The following PRDM15 variants were observed in gnomAD, a reference collection of about 807,000 sequenced individuals.
The protein encoded by PRDM15 is PR domain zinc finger protein 15.
Under a neutral mutation model 128.6 loss-of-function variants are expected in PRDM15, and 64 were observed. That is an observed-to-expected ratio of 0.50 (90% CI 0.41 to 0.61). The LOEUF (loss-of-function observed/expected upper bound fraction) is 0.61, where lower values mean the gene tolerates loss of function less well. Among genes scored for constraint, PRDM15 ranks in the 20% least tolerant of loss-of-function variants. PRDM15 has a pLI of 0.00. For synonymous variants in PRDM15, 615 were observed against 621.8 expected, an observed-to-expected ratio of 0.99 and a Z score of 0.16; for missense variants, 1,242 against 1,569.1, an observed-to-expected ratio of 0.79 and a Z score of 3.52.
chr21:41,852,413 G>GCCCA (rs1264199555), intron 5 of PRDM15, among the ~76,000 whole-genome samples: 1 of 152,222 alleles, frequency 6.6e-6, no homozygotes, highest in Non-Finnish European at 1.5e-5. Flanking sequence ...TGCTCAGAGA[G>GCCCA]CCCAGCCTCG....
At position 41,821,021 on chromosome 21, in the gene PRDM15, T is replaced by A; in HGVS notation, c.2060+46A>T. The A allele has an allele frequency of 1.2e-6, 2 of 1,610,838 alleles. No individual in the cohort carries two copies. Among genetic ancestry groups the A allele is most frequent in the Non-Finnish European group, 1.7e-6 (2 of 1,177,160 alleles). On this transcript the variant is annotated intron_variant, in intron 16 of 23. Transcript: ENST00000398548. This position sits in a 1 kb window ranked among gnomAD's most constrained non-coding sequence, Gnocchi z 5.4. Reference sequence around the variant, plus strand: ...ATGTGTCTCTTTGCAAGGAAGCATGTCCCCTCTCTCCTGACACAACCCGGG... The same window carrying A: ...ATGTGTCTCTTTGCAAGGAAGCATGACCCCTCTCTCCTGACACAACCCGGG...
rs771911135 is a variant in PRDM15, at chr21:41,821,496, C to T, written c.1897-266G>A. On this transcript the variant is annotated intron_variant, in intron 15 of 23. Transcript: ENST00000398548. The surrounding 1 kb of genome is among the most constrained non-coding windows in gnomAD (Gnocchi z 5.4). ...CCCCTTCCATGCACAGGGGAGGCCT[C>T]GTGAGGGCTTCAGGCCTCAGCAGGG... Among the ~76,000 whole-genome samples the T allele has an allele frequency of 2.0e-5, 3 of 151,858 alleles. No individual in the cohort carries two copies. The highest frequency in any genetic ancestry group is 4.4e-5 in the Non-Finnish European group (3 of 67,948).
chr21:41,800,979 C>T lies in PRDM15; in HGVS notation c.*261G>A, dbSNP rs1042151402. ...CTGTAAGGGGAGGCAGATGCGGCCC[C>T]GGCCCAGGACTTACTGCCTTGGTAA... On this transcript the variant is annotated 3_prime_UTR_variant, in exon 24 of 24. Transcript: ENST00000398548. The T allele has an allele frequency of 1.8e-4, 74 of 400,542 alleles. 1 individual carries two copies. Among genetic ancestry groups the T allele is most frequent in the African/African-American group, 1.2e-3 (57 of 48,706 alleles). 24.8% of individuals were successfully genotyped at this position (400,542 alleles called of 1,614,324 possible). A position where few individuals can be genotyped will look rare whatever the true frequency, so the allele number is the denominator to read the frequency against.
In PRDM15 at chr21:41,821,970, T is replaced by C. The variant is rs1426646619; in HGVS notation, c.1829A>G (p.Glu610Gly). 7 of 1,614,238 alleles carry C rather than the reference T, an allele frequency of 4.3e-6. No individual in the cohort carries two copies. The South Asian group carries it at 4.4e-5, about 10-fold the overall frequency. ...FIGKIGISSE[E>G]NDDNSDESAD... Reference sequence around the variant, plus strand: ...GCTCTCGTCAGAATTGTCATCGTTTTCTTCCGAGGAGATCCCGATCTTGCC... The same window carrying C: ...GCTCTCGTCAGAATTGTCATCGTTTCCTTCCGAGGAGATCCCGATCTTGCC... Residue 610 changes from glutamate (E) to glycine (G), a missense_variant, in exon 15 of 24, where the codon GAA (glutamate) becomes GGA (glycine). By Grantham distance (98) the Glu-to-Gly change is moderately conservative. This residue lies in a region of PRDM15 where 602 missense variants were observed against 788.3 expected (regional missense o/e 0.76). Coordinates refer to ENST00000398548, the MANE Select transcript of PRDM15 (RefSeq NM_001040424.3). The surrounding 1 kb of genome is among the most constrained non-coding windows in gnomAD (Gnocchi z 5.4).
rs2062844314 is a variant in PRDM15, at chr21:41,835,532, G to C, written c.1279-8C>G. On this transcript the variant is annotated splice_polypyrimidine_tract_variant and splice_region_variant and intron_variant, in intron 10 of 23. Coordinates refer to ENST00000398548, the MANE Select transcript of PRDM15 (RefSeq NM_001040424.3). The stretch of plus-strand genomic sequence containing the variant: ...CCTGTACTCGCCGTCCACCTGGTCA[G>C]AGGGACACGCCGTGAGTGAGATGGC... 1 of 1,605,842 alleles carries C rather than the reference G, an allele frequency of 6.2e-7. No individual in the cohort carries two copies. Among genetic ancestry groups the C allele is most frequent in the South Asian group, 1.1e-5 (1 of 91,054 alleles).
intron 11 of PRDM15, among the ~76,000 whole-genome samples, chr21:41,829,499 C>A (rs1270597636): frequency 1.3e-5 from 2 of 151,834 alleles, no homozygotes; most frequent in African/African-American, 4.8e-5. Flanking sequence ...ACCACATACA[C>A]ATTCAACACA....
At chr21:41,817,496 C>T (rs1182065013) in intron 18 of PRDM15, among the ~76,000 whole-genome samples, 1 of 152,142 alleles carries the variant, frequency 6.6e-6, no homozygotes, top group Non-Finnish European at 1.5e-5. Context: ...ATTCCCTGGT[C>T]AGGGCTAGAA....
At position 41,821,313 on chromosome 21, in the gene PRDM15, C is replaced by T. The variant is rs536602516; in HGVS notation, c.1897-83G>A. The T allele has an allele frequency of 1.3e-6, 2 of 1,527,580 alleles. No individual in the cohort carries two copies. Among genetic ancestry groups the T allele is most frequent in the South Asian group, 2.3e-5 (2 of 86,118 alleles). 94.6% of individuals were successfully genotyped at this position (1,527,580 alleles called of 1,614,324 possible). A position where few individuals can be genotyped will look rare whatever the true frequency, so the allele number is the denominator to read the frequency against. On this transcript the variant is annotated intron_variant, in intron 15 of 23. Transcript: ENST00000398548. The surrounding 1 kb of genome is among the most constrained non-coding windows in gnomAD (Gnocchi z 5.4). The stretch of plus-strand genomic sequence containing the variant: ...AGCTAATGAGGTCGTGTCCACAAAC[C>T]AGGGCACCCGACACGCCCTGAGAGC...
At chr21:41,824,383 C>T (rs2062393245) in intron 13 of PRDM15, among the ~76,000 whole-genome samples, 1 of 152,194 alleles carries the variant, frequency 6.6e-6, no homozygotes, top group Admixed American at 6.5e-5. Context: ...ATGGTCTTTA[C>T]AGGGAAGACT....
Position 41,879,219 on chromosome 21 carries a change from CGGCGGG to C in PRDM15, c.-10+45_-10+50del. On this transcript the variant is annotated intron_variant, in intron 1 of 23. Coordinates refer to ENST00000398548, the MANE Select transcript of PRDM15 (RefSeq NM_001040424.3). This position sits in a 1 kb window ranked among gnomAD's most constrained non-coding sequence, Gnocchi z 5.1. The stretch of plus-strand genomic sequence containing the variant: ...GGGGGCAGCGGGTGCGGCCCGGGGC[CGGCGGG>C]GCGCACGCCGGGGCGGGCGGCGGGC... The C allele has an allele frequency of 1.3e-6, 1 of 751,548 alleles. No homozygotes were observed. The highest frequency in any genetic ancestry group is 5.8e-5 in the South Asian group (1 of 17,194). The allele number at this position is 751,548 out of a possible 1,614,324, so 46.6% of individuals were successfully genotyped here. A position where few individuals can be genotyped will look rare whatever the true frequency, so the allele number is the denominator to read the frequency against.
chr21:41,868,657 G>A (rs1465775269), intron 1 of PRDM15, among the ~76,000 whole-genome samples: 2 of 150,522 alleles, frequency 1.3e-5, no homozygotes, highest in African/African-American at 4.9e-5. Flanking sequence ...TCAGTAAAAG[G>A]TCTCTGCATC....
chr21:41,834,981 C>T (rs918029900), intron 11 of PRDM15, among the ~76,000 whole-genome samples: 4 of 152,202 alleles, frequency 2.6e-5, no homozygotes, highest in East Asian at 1.9e-4. Context: ...GGGGCAACCC[C>T]GTTCCACCCT....
At chr21:41,873,162 G>A (rs1032813992) in intron 1 of PRDM15, among the ~76,000 whole-genome samples, 8 of 152,302 alleles carry the variant, frequency 5.3e-5, no homozygotes, top group South Asian at 4.1e-4. Context: ...ACATCAGCCT[G>A]GGGGCGCCTG....
chr21:41,871,396 C>T lies in PRDM15; in HGVS notation c.-10+7874G>A, dbSNP rs908311190. 9 of 942,040 alleles carry T rather than the reference C, an allele frequency of 9.6e-6. No individual in the cohort carries two copies. The African/African-American group carries it at 1.6e-4, about 16-fold the overall frequency. 58.4% of individuals were successfully genotyped at this position (942,040 alleles called of 1,614,324 possible). On this transcript the variant is annotated intron_variant, in intron 1 of 23. Coordinates refer to ENST00000398548, the MANE Select transcript of PRDM15 (RefSeq NM_001040424.3). ...CTGCCTCTGCCTGGGGTCACCCTCT[C>T]TGTCACTGTCCCTCTTAAGCAGCAG...
intron 6 of PRDM15, among the ~76,000 whole-genome samples, chr21:41,845,459 G>C (rs111492382): frequency 0.092 from 13,923 of 151,510 alleles, 854 homozygotes; most frequent in Non-Finnish European, 0.14. Context: ...GCGAGAGGCT[G>C]CCGCAGAAGG....
chr21:41,821,338 C>A lies in PRDM15; in HGVS notation c.1897-108G>T. ...CAGGGCACCCGACACGCCCTGAGAG[C>A]CCATGACTCATGCCAGGGTGGAAGG... On this transcript the variant is annotated intron_variant, in intron 15 of 23. Coordinates refer to ENST00000398548, the MANE Select transcript of PRDM15 (RefSeq NM_001040424.3). This position sits in a 1 kb window ranked among gnomAD's most constrained non-coding sequence, Gnocchi z 5.4. 1 of 1,299,158 alleles carries A rather than the reference C, an allele frequency of 7.7e-7. No individual in the cohort carries two copies. 80.5% of individuals were successfully genotyped at this position (1,299,158 alleles called of 1,614,324 possible). A position where few individuals can be genotyped will look rare whatever the true frequency, so the allele number is the denominator to read the frequency against.
rs954230843 is a variant in PRDM15 at position 41,798,681 on chromosome 21, C to G, written c.*2559G>C. On this transcript the variant is annotated 3_prime_UTR_variant, in exon 24 of 24. Transcript: ENST00000398548. ...AACGAATTCTCCACTGAGATGGGTC[C>G]ACAGAGCCTGGTGGCCACAATGGCT... The G allele has an allele frequency of 6.6e-6, 1 of 152,232 alleles. No homozygotes were observed. Among genetic ancestry groups the G allele is most frequent in the African/African-American group, 2.4e-5 (1 of 41,448 alleles). The allele number at this position is 152,232 out of a possible 1,614,324, so 9.4% of individuals were successfully genotyped here. A position where few individuals can be genotyped will look rare whatever the true frequency, so the allele number is the denominator to read the frequency against.
chr21:41,865,545 G>A (rs369017361), intron 1 of PRDM15, among the ~76,000 whole-genome samples: 49 of 152,150 alleles, frequency 3.2e-4, no homozygotes, highest in African/African-American at 1.2e-3. Context: ...TCCACCCCAG[G>A]CACAGCCACT....
Position 41,802,659 on chromosome 21 carries a change from A to G in PRDM15, c.2943+53T>C, listed in dbSNP as rs565434095. The G allele has an allele frequency of 2.9e-5, 43 of 1,461,734 alleles. No homozygotes were observed. In the South Asian group the frequency reaches 4.9e-4, roughly 17 times the overall value. 90.5% of individuals were successfully genotyped at this position (1,461,734 alleles called of 1,614,324 possible). A position where few individuals can be genotyped will look rare whatever the true frequency, so the allele number is the denominator to read the frequency against. On this transcript the variant is annotated intron_variant, in intron 23 of 23. Transcript: ENST00000398548. ...GGAGTCACACACACGTAAGGCTCTC[A>G]TGCTTAGGGAAAGTGACCGGCACCT...
Sources: allele counts gnomAD v4.1 joint callset (sites outside exome capture counted in the v4.1 genomes callset), GRCh38; gene constraint gnomAD v4.1.1; regional missense constraint gnomAD v4.1.1; non-coding constraint Gnocchi (gnomAD v3.1); transcripts MANE v1.5; gene names NCBI Gene and HGNC (gene_info 2026-07-23, HGNC 2026-07-21).